Variants in RGSL1 observed in about 807,000 individuals in gnomAD.
RGSL1 encodes regulator of G protein signaling like 1.
A neutral mutation model predicts 124.7 loss-of-function variants in RGSL1; 97 were observed. The observed-to-expected ratio is 0.78, with a 90% CI of 0.66 to 0.92. The LOEUF (loss-of-function observed/expected upper bound fraction) is 0.92, where lower values mean the gene tolerates loss of function less well. RGSL1 is among the 40% of genes least tolerant of loss of function. The pLI is 0.00. For missense variants in RGSL1, 1,233 were observed against 1,288.4 expected (o/e 0.96, Z 0.66); for synonymous variants, 424 against 438.1 (o/e 0.97, Z 0.40).
intron 20 of RGSL1, chr1:182,554,947 A>G (rs558536743): frequency 3.8e-5 from 19 of 505,152 alleles, no homozygotes; most frequent in African/African-American, 2.9e-4. Context: ...CAGTAGAACA[A>G]TACTGCTGTG....
At chr1:182,458,528 G>A in intron 3 of RGSL1, 135 bp downstream of exon 3, 1 of 716,196 alleles carries the variant, frequency 1.4e-6, no homozygotes, top group East Asian at 2.7e-5. Flanking sequence ...GCAGTGCGGT[G>A]ATGCGATCTT....
chr1:182,514,057 C>G (rs2102209334), intron 9 of RGSL1, among the ~76,000 whole-genome samples: 1 of 141,676 alleles, frequency 7.1e-6, no homozygotes, highest in East Asian at 2.0e-4. Context: ...TCATGCCTGG[C>G]TAATTTTTGT....
chr1:182,466,777 T>G (rs1157067315), intron 4 of RGSL1, among the ~76,000 whole-genome samples: 1 of 152,136 alleles, frequency 6.6e-6, no homozygotes, highest in East Asian at 1.9e-4. Flanking sequence ...ATTCATGCAA[T>G]CTCTATCAAA....
chr1:182,548,764 G>T lies in RGSL1; in HGVS notation c.2873G>T (p.Arg958Leu), dbSNP rs554917759. 1.3e-6 allele frequency: 2 copies of T among 1,551,634 alleles called. No individual in the cohort carries two copies. Among genetic ancestry groups the T allele is most frequent in the South Asian group, 2.4e-5 (2 of 84,060 alleles). Reference sequence around the variant, plus strand: ...GCCATCACAGAGGGCTACCTAGATCGGAGCGTCTTCCATGGGGCTATCATG... The same window carrying T: ...GCCATCACAGAGGGCTACCTAGATCTGAGCGTCTTCCATGGGGCTATCATG... ...LAAITEGYLD[R>L]SVFHGAIMSV... is the part of the protein sequence containing the mutation. Residue 958 changes from arginine (R) to leucine (L), a missense_variant, in exon 17 of 22, where the codon CGG (arginine) becomes CTG (leucine). Coordinates refer to ENST00000294854, the MANE Select transcript of RGSL1 (RefSeq NM_001137669.2).
intron 6 of RGSL1, among the ~76,000 whole-genome samples, chr1:182,474,961 A>G (rs754898981): frequency 2.0e-5 from 3 of 152,206 alleles, no homozygotes; most frequent in Non-Finnish European, 2.9e-5. Context: ...CCCCAAGTTC[A>G]TGGAAAAAAC....
intron 14 of RGSL1, among the ~76,000 whole-genome samples, chr1:182,539,621 C>A (rs187109736): frequency 6.6e-6 from 1 of 152,154 alleles, no homozygotes; most frequent in Non-Finnish European, 1.5e-5. Flanking sequence ...TCAGATCCAG[C>A]CCATACCTGT....
chr1:182,544,251 T>C lies in RGSL1; in HGVS notation c.2669+3830T>C, dbSNP rs145732283. Among the ~76,000 whole-genome samples the C allele has an allele frequency of 9.2e-5, 14 of 152,272 alleles. No homozygotes were observed. The East Asian group carries it at 2.7e-3, about 29-fold the overall frequency. On this transcript the variant is annotated intron_variant, in intron 15 of 21. Coordinates refer to ENST00000294854, the MANE Select transcript of RGSL1 (RefSeq NM_001137669.2). ...TAAATTTTCTCCTTTATTTCTTCACTGACCCATTGGTCATTCAGGAGCATG... is the reference window on the plus strand; with the variant it reads ...TAAATTTTCTCCTTTATTTCTTCACCGACCCATTGGTCATTCAGGAGCATG...
rs1214688813 is a variant in RGSL1 at position 182,454,111 on chromosome 1, A to T, written c.96+71A>T. The T allele has an allele frequency of 4.8e-5, 43 of 895,394 alleles. No homozygotes were observed. In the East Asian group the frequency reaches 1.1e-3, roughly 23 times the overall value. The allele number at this position is 895,394 out of a possible 1,614,324, so 55.5% of individuals were successfully genotyped here. A position where few individuals can be genotyped will look rare whatever the true frequency, so the allele number is the denominator to read the frequency against. ...ATAGTGAATCTCACAGAGCTGAGTG[A>T]CTTTTTTTGTTTGTTTGTTGTTATT... On this transcript the variant is annotated intron_variant, in intron 2 of 21. Transcript: ENST00000294854.
In RGSL1 at chr1:182,450,183, G is replaced by A. The variant is rs1266275157; in HGVS notation, c.13+5G>A. ...ATGGCAACATGAGCAGTGCTGGTGA[G>A]TCTCTGCCAGGGATGTCTCCAAGGC... On this transcript the variant is annotated splice_donor_5th_base_variant and intron_variant, in intron 1 of 21. Transcript: ENST00000294854. 3 of 1,552,020 alleles carry A rather than the reference G, an allele frequency of 1.9e-6. No homozygotes were observed. The African/African-American group carries it at 4.1e-5, about 21-fold the overall frequency.
chr1:182,472,193 T>C (rs1653902220), intron 4 of RGSL1, among the ~76,000 whole-genome samples: 1 of 152,166 alleles, frequency 6.6e-6, no homozygotes, highest in African/African-American at 2.4e-5. Flanking sequence ...AGGATTCCCA[T>C]GCATTAAGCC....
At position 182,474,510 on chromosome 1, in the gene RGSL1, T is replaced by C; in HGVS notation, c.1399T>C (p.Trp467Arg). ...ATTGCCCTCTGGGGATGTGATCCCCTGGATTCCCAAAGCCCAGAAGGAGAT... is the reference window on the plus strand; with the variant it reads ...ATTGCCCTCTGGGGATGTGATCCCCCGGATTCCCAAAGCCCAGAAGGAGAT... ...ELLPSGDVIP[W>R]IPKAQKEICK... Residue 467 changes from tryptophan to arginine, a missense_variant, in exon 6 of 22, where the codon TGG (tryptophan) becomes CGG (arginine). Trp to Arg is a moderately radical substitution (Grantham distance 101). Transcript: ENST00000294854. The C allele has an allele frequency of 6.5e-7, 1 of 1,548,084 alleles. No individual in the cohort carries two copies. Among genetic ancestry groups the C allele is most frequent in the Non-Finnish European group, 8.7e-7 (1 of 1,144,246 alleles).
At chr1:182,493,195 A>G in intron 9 of RGSL1, 66 bp downstream of exon 9, 1 of 1,118,312 alleles carries the variant, frequency 8.9e-7, no homozygotes, top group Non-Finnish European at 1.3e-6. Flanking sequence ...GAAAATCTGT[A>G]ATCTTGTGTT....
intron 1 of RGSL1, among the ~76,000 whole-genome samples, chr1:182,452,497 G>A (rs1387875241): frequency 2.0e-5 from 3 of 151,104 alleles, no homozygotes; most frequent in Non-Finnish European, 4.4e-5. Flanking sequence ...CTGTCACTCA[G>A]GCTGGAGTGC....
At chr1:182,473,250 A>G (rs1366292999) in intron 5 of RGSL1, among the ~76,000 whole-genome samples, 1 of 152,186 alleles carries the variant, frequency 6.6e-6, no homozygotes, top group South Asian at 2.1e-4. Context: ...TCCTGTTCAG[A>G]TGTAGATGTC....
At chr1:182,519,915 T>C (rs1658202385) in intron 9 of RGSL1, among the ~76,000 whole-genome samples, 1 of 152,170 alleles carries the variant, frequency 6.6e-6, no homozygotes, top group Non-Finnish European at 1.5e-5. Flanking sequence ...TTACATTTTC[T>C]TATAATATTG....
intron 18 of RGSL1, 111 bp downstream of exon 18, chr1:182,551,320 G>A: frequency 3.7e-6 from 3 of 808,178 alleles, no homozygotes; most frequent in Non-Finnish European, 5.9e-6. Context: ...GTTTGCTGGA[G>A]CCGGGACAGC....
Position 182,532,451 on chromosome 1 carries a change from A to G in RGSL1, c.2365-211A>G, listed in dbSNP as rs1206198609. 2.6e-5 allele frequency among the ~76,000 whole-genome samples: 4 copies of G among 152,208 alleles called. No individual in the cohort carries two copies. In the East Asian group the frequency reaches 7.7e-4, roughly 29 times the overall value. ...ATGGCTCCAGTCTGTTGAAGCTGGAATCTTTCACTGACCAGCTACTTAATT... is the reference window on the plus strand; with the variant it reads ...ATGGCTCCAGTCTGTTGAAGCTGGAGTCTTTCACTGACCAGCTACTTAATT... On this transcript the variant is annotated intron_variant, in intron 13 of 21. Coordinates refer to ENST00000294854, the MANE Select transcript of RGSL1 (RefSeq NM_001137669.2).
intron 2 of RGSL1, among the ~76,000 whole-genome samples, chr1:182,454,391 C>G (rs1424245824): frequency 6.6e-6 from 1 of 152,192 alleles, no homozygotes; most frequent in African/African-American, 2.4e-5. Flanking sequence ...CTCTGAACCT[C>G]TCCTTGGGCT....
At chr1:182,471,011 G>C (rs1007649687) in intron 4 of RGSL1, among the ~76,000 whole-genome samples, 3 of 152,190 alleles carry the variant, frequency 2.0e-5, no homozygotes, top group African/African-American at 7.2e-5. Context: ...GTCCCTGTCA[G>C]GTTGAGACTG....
Sources: allele counts gnomAD v4.1 joint callset (sites outside exome capture counted in the v4.1 genomes callset), GRCh38; gene constraint gnomAD v4.1.1; transcripts MANE v1.5; gene names NCBI Gene and HGNC (gene_info 2026-07-23, HGNC 2026-07-21).